Variants in UNC13C observed in about 807,000 individuals in gnomAD.
UNC13C encodes the protein protein unc-13 homolog C.
Under a neutral mutation model 245.4 loss-of-function variants are expected in UNC13C, and 174 were observed. The observed-to-expected ratio is 0.71, with a 90% CI of 0.63 to 0.80. UNC13C has a LOEUF of 0.80. Ranked by LOEUF, UNC13C falls within the 30% of genes least tolerant of loss-of-function variation. The probability of loss-of-function intolerance (pLI) is 0.00; values close to 1 mark genes in which losing one functional copy is unlikely to be tolerated. For missense variants in UNC13C, 2,829 were observed against 2,602.9 expected, an observed-to-expected ratio of 1.09 and a Z score of -1.89; for synonymous variants, 992 against 895.1, an observed-to-expected ratio of 1.11 and a Z score of -1.93.
intron 32 of UNC13C, 107 bp downstream of exon 32, chr15:54,624,061 C>G (rs1194591296): frequency 2.2e-6 from 3 of 1,377,144 alleles, no homozygotes; most frequent in African/African-American, 1.4e-5. Flanking sequence ...GAAGAAGGCT[C>G]TGTTTTTAGT....
At chr15:53,887,537 TTAGGCAATCCC>T in the UNC13C span, among the ~76,000 whole-genome samples, 3 of 152,270 alleles carry the variant, frequency 2.0e-5, no homozygotes, top group Non-Finnish European at 4.4e-5. Context: ...GACATTAATA[TTAGGCAATCCC>T]CTTTCTTCAT....
rs142037549 is a variant in UNC13C at position 54,433,171 on chromosome 15, G to A, written c.4933+18104G>A. ...CTACCAGAGATACAAAGAGGAGATG[G>A]TACCATTCCTTCTAAAACTATTCCA... On this transcript the variant is annotated intron_variant, in intron 19 of 32. Coordinates refer to ENST00000260323, the MANE Select transcript of UNC13C (RefSeq NM_001080534.3). 1.5e-3 allele frequency among the ~76,000 whole-genome samples: 221 copies of A among 152,118 alleles called. 1 individual carries two copies. The highest frequency in any genetic ancestry group is 5.1e-3 in the African/African-American group (213 of 41,504).
chr15:54,444,966 T>A (rs1296066106), intron 19 of UNC13C, among the ~76,000 whole-genome samples: 2 of 48,450 alleles, frequency 4.1e-5, no homozygotes, highest in East Asian at 6.8e-4. Flanking sequence ...CCCTCCCCCC[T>A]CCCCCCACCC....
chr15:54,293,680 TG>T (rs1165200297), intron 10 of UNC13C, among the ~76,000 whole-genome samples: 1 of 152,064 alleles, frequency 6.6e-6, no homozygotes, highest in African/African-American at 2.4e-5. Flanking sequence ...TAGGATGGAA[TG>T]GGATTTGATT....
the UNC13C span, among the ~76,000 whole-genome samples, chr15:53,971,111 G>A: frequency 1.3e-5 from 2 of 152,130 alleles, no homozygotes; most frequent in Non-Finnish European, 2.9e-5. Flanking sequence ...GATTAGTGAT[G>A]TTGAGCATAA....
chr15:54,146,225 A>G (rs1469916853), intron 4 of UNC13C, among the ~76,000 whole-genome samples: 1 of 152,178 alleles, frequency 6.6e-6, no homozygotes, highest in Non-Finnish European at 1.5e-5. Context: ...TTATCCTAAA[A>G]AACTATGACT....
At chr15:54,181,823 G>C (rs2033810421) in intron 4 of UNC13C, among the ~76,000 whole-genome samples, 1 of 151,630 alleles carries the variant, frequency 6.6e-6, no homozygotes, top group Non-Finnish European at 1.5e-5. Flanking sequence ...TCTTGATTTG[G>C]CTCTCAGCTT....
At chr15:54,505,388 T>C (rs1894427445) in intron 22 of UNC13C, among the ~76,000 whole-genome samples, 1 of 152,194 alleles carries the variant, frequency 6.6e-6, no homozygotes, top group Admixed American at 6.6e-5. Flanking sequence ...TTAGACTTGT[T>C]AAAACCCAGA....
chr15:54,175,918 A>G (rs1194306424), intron 4 of UNC13C, among the ~76,000 whole-genome samples: 2 of 152,272 alleles, frequency 1.3e-5, no homozygotes, highest in East Asian at 3.9e-4. Context: ...CTAAATAGAA[A>G]TTTTTTTGAA....
At chr15:54,475,563 T>A (rs1368806918) in intron 19 of UNC13C, among the ~76,000 whole-genome samples, 6 of 151,644 alleles carry the variant, frequency 4.0e-5, no homozygotes, top group Non-Finnish European at 7.4e-5. Context: ...CAGTGTTTGG[T>A]TTTTTGTCCC....
At chr15:54,030,327 C>G (rs1896305035) in intron 2 of UNC13C, among the ~76,000 whole-genome samples, 1 of 152,122 alleles carries the variant, frequency 6.6e-6, no homozygotes, top group Non-Finnish European at 1.5e-5. Flanking sequence ...AGTTAACGCC[C>G]CTTAAGCAGA....
intron 2 of UNC13C, among the ~76,000 whole-genome samples, chr15:54,095,517 G>C (rs556339406): frequency 1.3e-5 from 2 of 152,216 alleles, no homozygotes; most frequent in South Asian, 4.1e-4. Flanking sequence ...AAAATAGTTG[G>C]CACCTATTCA....
intron 30 of UNC13C, among the ~76,000 whole-genome samples, chr15:54,572,174 T>G (rs1405368724): frequency 3.3e-5 from 5 of 151,996 alleles, no homozygotes; most frequent in Non-Finnish European, 5.9e-5. Context: ...ATCTAAACTC[T>G]GTGCCCTGAC....
chr15:54,225,198 T>C (rs2035345105), intron 4 of UNC13C, among the ~76,000 whole-genome samples: 1 of 151,844 alleles, frequency 6.6e-6, no homozygotes, highest in African/African-American at 2.4e-5. Context: ...TACCATGCTG[T>C]TTTAGTTACT....
At chr15:54,233,491 T>G (rs1316300432) in intron 4 of UNC13C, among the ~76,000 whole-genome samples, 2 of 152,228 alleles carry the variant, frequency 1.3e-5, no homozygotes, top group Admixed American at 6.5e-5. Flanking sequence ...GATCCTCACT[T>G]CCAAATATAT....
intron 13 of UNC13C, among the ~76,000 whole-genome samples, chr15:54,311,134 C>T (rs575683691): frequency 2.8e-4 from 43 of 151,754 alleles, no homozygotes; most frequent in Middle Eastern, 3.4e-3. Flanking sequence ...TTGTAATGAC[C>T]TGAAAATTCT....
chr15:54,474,940 GA>G (rs2141049654), intron 19 of UNC13C, among the ~76,000 whole-genome samples: 1 of 151,958 alleles, frequency 6.6e-6, no homozygotes, highest in African/African-American at 2.4e-5. Context: ...GATTTTATGG[GA>G]ACTAAAAGTG....
the UNC13C span, chr15:53,911,433 C>G: frequency 0.34 from 52,343 of 152,140 alleles, 9,114 homozygotes; most frequent in South Asian, 0.4. Context: ...GGACCGCAGG[C>G]GAGATCCCAG....
intron 2 of UNC13C, among the ~76,000 whole-genome samples, chr15:54,115,282 G>T (rs1254078000): frequency 6.6e-6 from 1 of 151,850 alleles, no homozygotes; most frequent in Admixed American, 6.6e-5. Flanking sequence ...AATGTATTTG[G>T]GTATATGCTT....
Sources: gnomAD v4.1 joint callset for allele counts (sites outside exome capture counted in the v4.1 genomes callset) on GRCh38, gnomAD v4.1.1 for gene constraint, MANE v1.5 for transcripts, NCBI Gene and HGNC (gene_info 2026-07-23, HGNC 2026-07-21) for gene names.